Variants in RBFOX1 observed in about 807,000 individuals in gnomAD.
The protein encoded by RBFOX1 is RNA binding protein fox-1 homolog 1.
In RBFOX1, 8 loss-of-function variants were observed where a neutral mutation model predicts 57.7. That is an observed-to-expected ratio of 0.14 (90% CI 0.08 to 0.25). The LOEUF is 0.25. Among genes scored for constraint, RBFOX1 ranks in the 10% least tolerant of loss-of-function variants. The pLI is 1.00. For synonymous variants in RBFOX1, 326 were observed against 222.4 expected (o/e 1.47, Z -4.15); for missense variants, 611 against 548.5 (o/e 1.11, Z -1.14).
chr16:6,844,271 G>A (rs2093643647), intron 3 of RBFOX1, among the ~76,000 whole-genome samples: 1 of 151,912 alleles, frequency 6.6e-6, no homozygotes, highest in South Asian at 2.1e-4. Context: ...TAGGTACCAT[G>A]GCAGTTTGCT....
intron 4 of RBFOX1, among the ~76,000 whole-genome samples, chr16:7,337,670 G>T (rs1487258042): frequency 1.3e-5 from 2 of 152,008 alleles, no homozygotes; most frequent in Non-Finnish European, 2.9e-5. Flanking sequence ...AATGTTTTTT[G>T]TGTTTGTTTT....
At chr16:7,233,070 A>G (rs146046526) in intron 4 of RBFOX1, among the ~76,000 whole-genome samples, 2 of 152,086 alleles carry the variant, frequency 1.3e-5, no homozygotes, top group Non-Finnish European at 2.9e-5. Flanking sequence ...GATGTTCCCA[A>G]CAGCGGCCAA....
chr16:6,673,737 A>G (rs1269328463), intron 3 of RBFOX1, among the ~76,000 whole-genome samples: 1 of 152,236 alleles, frequency 6.6e-6, no homozygotes, highest in Admixed American at 6.5e-5. Context: ...GGACAAAGGC[A>G]AGGACAGAAA....
At chr16:6,479,559 C>T (rs2095337146) in intron 2 of RBFOX1, among the ~76,000 whole-genome samples, 1 of 151,454 alleles carries the variant, frequency 6.6e-6, no homozygotes, top group South Asian at 2.1e-4. Flanking sequence ...CTGTACTCTA[C>T]CCTGGGTGAT....
intron 4 of RBFOX1, among the ~76,000 whole-genome samples, chr16:5,908,210 A>ATATATACATATATATGCACATG (rs2058518899): frequency 6.8e-6 from 1 of 146,594 alleles, no homozygotes; most frequent in East Asian, 2.0e-4. Context: ...ATACACACAT[A>ATATATACATATATATGCACATG]TATATACATA....
At chr16:6,852,928 G>A (rs539293431) in intron 3 of RBFOX1, among the ~76,000 whole-genome samples, 26 of 152,324 alleles carry the variant, frequency 1.7e-4, no homozygotes, top group Admixed American at 1.6e-3. Flanking sequence ...AGCTGTCCAT[G>A]CAAGGAGGAT....
At chr16:6,610,727 C>A (rs995487567) in intron 2 of RBFOX1, among the ~76,000 whole-genome samples, 1 of 152,180 alleles carries the variant, frequency 6.6e-6, no homozygotes, top group Non-Finnish European at 1.5e-5. Flanking sequence ...TGTTACTCAG[C>A]AGCTTCCGCC....
intron 4 of RBFOX1, among the ~76,000 whole-genome samples, chr16:7,273,710 C>T (rs192544931): frequency 3.3e-5 from 5 of 152,246 alleles, no homozygotes; most frequent in East Asian, 3.9e-4. Context: ...AAATACAGGA[C>T]GTTTAGTAAT....
intron 1 of RBFOX1, among the ~76,000 whole-genome samples, chr16:6,301,913 C>T (rs1449580133): frequency 6.6e-6 from 1 of 152,116 alleles, no homozygotes; most frequent in African/African-American, 2.4e-5. Flanking sequence ...GTAGTCCAGC[C>T]ACTTGGCAGA....
chr16:7,441,526 A>G lies in RBFOX1; in HGVS notation c.28-76621A>G, dbSNP rs564789952. 7.2e-5 allele frequency among the ~76,000 whole-genome samples: 11 copies of G among 152,174 alleles called. No homozygotes were observed. In the East Asian group the frequency reaches 2.1e-3, roughly 29 times the overall value. ...AACTGGTATCTGTTTCTCTCCTACT[A>G]TAATATCTTTTTCACGTCAGGGCTT... On this transcript the variant is annotated intron_variant, in intron 4 of 15. Coordinates refer to ENST00000550418, the MANE Select transcript of RBFOX1 (RefSeq NM_018723.4).
At chr16:5,944,626 C>T (rs894645455) in intron 4 of RBFOX1, among the ~76,000 whole-genome samples, 3 of 151,214 alleles carry the variant, frequency 2.0e-5, no homozygotes, top group African/African-American at 4.9e-5. Context: ...TCTATACTGT[C>T]CCCGCCATTG....
chr16:7,152,555 A>T lies in RBFOX1; in HGVS notation c.27+100457A>T, dbSNP rs75069531. Among the ~76,000 whole-genome samples, 247 of 152,224 alleles carry T rather than the reference A, an allele frequency of 1.6e-3. 1 individual carries two copies. The highest frequency in any genetic ancestry group is 5.7e-3 in the African/African-American group (236 of 41,524). On this transcript the variant is annotated intron_variant, in intron 4 of 15. Transcript: ENST00000550418. ...AGTTAGCTGTGCAATCTTGATAAAG[A>T]TAGGCAGTTAGGTTCACTGGATTTC... is the stretch of plus-strand genomic sequence containing the variant.
At chr16:5,584,784 A>G (rs17138122) in intron 2 of RBFOX1, among the ~76,000 whole-genome samples, 8,279 of 152,218 alleles carry the variant, frequency 0.054, 796 homozygotes, top group African/African-American at 0.19. Context: ...TTCTTGATTC[A>G]GTGAATTGGC....
chr16:5,558,220 GCCGAGGGTCTGTTGAGCTGATTAACACA>G (rs1462232784), intron 2 of RBFOX1, among the ~76,000 whole-genome samples: 1 of 152,186 alleles, frequency 6.6e-6, no homozygotes, highest in Non-Finnish European at 1.5e-5. Flanking sequence ...TTGTGATAAG[GCCGAGGGTCTGTTGAGCTGATTAACACA>G]CAAGCTGTCT....
intron 3 of RBFOX1, among the ~76,000 whole-genome samples, chr16:6,729,420 A>G (rs922019747): frequency 2.0e-5 from 3 of 152,232 alleles, no homozygotes; most frequent in Admixed American, 1.3e-4. Flanking sequence ...GCAGTCTTAC[A>G]GGCGTTCTGA....
At chr16:6,530,361 G>A (rs2096640239) in intron 2 of RBFOX1, among the ~76,000 whole-genome samples, 1 of 152,170 alleles carries the variant, frequency 6.6e-6, no homozygotes, top group African/African-American at 2.4e-5. Flanking sequence ...AAACAGCTGA[G>A]CTTGAGCCAG....
intron 11 of RBFOX1, among the ~76,000 whole-genome samples, chr16:7,634,732 A>G (rs192977344): frequency 6.6e-6 from 1 of 152,124 alleles, no homozygotes; most frequent in Admixed American, 6.5e-5. Flanking sequence ...GTCACCCCTG[A>G]ACTTCATGCA....
At chr16:7,292,423 A>G (rs1158364042) in intron 4 of RBFOX1, among the ~76,000 whole-genome samples, 2 of 142,174 alleles carry the variant, frequency 1.4e-5, no homozygotes, top group Admixed American at 1.5e-4. Flanking sequence ...TTATATATAT[A>G]AGGTATTATA....
rs932530271 is a variant in RBFOX1, at chr16:7,029,293, T to C, written c.-15-22764T>C. Among the ~76,000 whole-genome samples, 2 of 133,228 alleles carry C rather than the reference T, an allele frequency of 1.5e-5. 1 individual carries two copies. The highest frequency in any genetic ancestry group is 3.1e-5 in the Non-Finnish European group (2 of 64,058). 87.4% of individuals were successfully genotyped at this position (133,228 alleles called of 152,430 possible). On this transcript the variant is annotated intron_variant, in intron 3 of 15. Coordinates refer to ENST00000550418, the MANE Select transcript of RBFOX1 (RefSeq NM_018723.4). ...GTATACGTATATATATACACATATA[T>C]ATATACGTATATGTATATATATATA...
Sources: allele counts gnomAD v4.1 joint callset (sites outside exome capture counted in the v4.1 genomes callset), GRCh38; gene constraint gnomAD v4.1.1; transcripts MANE v1.5; gene names NCBI Gene and HGNC (gene_info 2026-07-23, HGNC 2026-07-21).